SEL1L2: variants seen among roughly 807,000 people sequenced by gnomAD.
The protein encoded by SEL1L2 is protein sel-1 homolog 2.
Under a neutral mutation model 98.8 loss-of-function variants are expected in SEL1L2, and 89 were observed. The observed-to-expected ratio is 0.90, with a 90% confidence interval of 0.76 to 1.07. SEL1L2 has a LOEUF of 1.07. Among genes scored for constraint, SEL1L2 ranks in the 50% least tolerant of loss-of-function variants. SEL1L2 has a pLI of 0.00. For missense variants in SEL1L2, 788 were observed against 812.0 expected (o/e 0.97, Z 0.36); for synonymous variants, 262 against 278.5 (o/e 0.94, Z 0.59).
At chr20:13,990,617 G>C (rs1415426910), upstream of SEL1L2, 1 of 1,045,232 alleles carries the variant, frequency 9.6e-7, no homozygotes. Flanking sequence ...CAGGGACTGT[G>C]GTGGGGGCAG....
rs8115079 is a variant in SEL1L2, at chr20:13,969,367, C to T, written c.59-13236G>A. Among the ~76,000 whole-genome samples the T allele has an allele frequency of 4.7e-3, 712 of 152,260 alleles. 4 individuals carry two copies. The highest frequency in any genetic ancestry group is 0.016 in the African/African-American group (666 of 41,538). On this transcript the variant is annotated intron_variant, in intron 1 of 19. Coordinates refer to ENST00000284951, the MANE Select transcript of SEL1L2 (RefSeq NM_025229.2). ...ATCTTCCATCATGTTTTACTCACTC[C>T]ATGCCAACATCCCCATGAACAGGTA... is the stretch of plus-strand genomic sequence containing the variant.
chr20:13,947,653 T>C lies in SEL1L2; in HGVS notation c.114+8423A>G, dbSNP rs190225446. Among the ~76,000 whole-genome samples, 394 of 152,254 alleles carry C rather than the reference T, an allele frequency of 2.6e-3. 6 individuals are homozygous for C. The highest frequency in any genetic ancestry group is 8.9e-3 in the African/African-American group (368 of 41,538). ...CAGGCAATGAGAAGAAGAGAAGAGC[T>C]GTAGCCCTTTTAGGAGCCCAGACCT... On this transcript the variant is annotated intron_variant, in intron 2 of 19. Transcript: ENST00000284951.
chr20:13,866,629 A>G (rs1991077181), intron 15 of SEL1L2, 73 bp downstream of exon 15: 6 of 1,224,438 alleles, frequency 4.9e-6, no homozygotes, highest in Non-Finnish European at 6.5e-6. Context: ...GACACCAACA[A>G]TTTAAGAACA....
In SEL1L2 at chr20:13,966,032, A is replaced by G. The variant is rs564401528; in HGVS notation, c.59-9901T>C. The stretch of plus-strand genomic sequence containing the variant: ...TAATAAAGAAAACTTTTGGAATATT[A>G]TGAGAATTACCACATGTGACAGAGA... On this transcript the variant is annotated intron_variant, in intron 1 of 19. Coordinates refer to ENST00000284951, the MANE Select transcript of SEL1L2 (RefSeq NM_025229.2). Among the ~76,000 whole-genome samples, 11 of 152,112 alleles carry G rather than the reference A, an allele frequency of 7.2e-5. No individual in the cohort carries two copies. In the South Asian group the frequency reaches 2.3e-3, roughly 32 times the overall value.
intron 3 of SEL1L2, among the ~76,000 whole-genome samples, chr20:13,928,759 T>G (rs533940702): frequency 7.2e-5 from 11 of 152,314 alleles, no homozygotes; most frequent in African/African-American, 2.2e-4. Flanking sequence ...TGGTCCAAAA[T>G]GAAGTTTAAT....
intron 2 of SEL1L2, among the ~76,000 whole-genome samples, chr20:13,949,632 C>T (rs2050173779): frequency 6.6e-6 from 1 of 151,674 alleles, no homozygotes; most frequent in South Asian, 2.1e-4. Context: ...CACTGCACTC[C>T]AGCCTGGGCA....
intron 2 of SEL1L2, among the ~76,000 whole-genome samples, chr20:13,954,759 G>T (rs1434661898): frequency 1.3e-5 from 2 of 152,048 alleles, no homozygotes; most frequent in African/African-American, 4.8e-5. Context: ...GCCATTTTAG[G>T]TGTTATTCAG....
rs532346717 is a variant in SEL1L2, at chr20:13,959,926, T to C, written c.59-3795A>G. On this transcript the variant is annotated intron_variant, in intron 1 of 19. Coordinates refer to ENST00000284951, the MANE Select transcript of SEL1L2 (RefSeq NM_025229.2). ...GGGACTATGGCAAGTAAAGCATAATTAGAGAATTCATGTTACTAGCACTTA... is the reference window on the plus strand; with the variant it reads ...GGGACTATGGCAAGTAAAGCATAATCAGAGAATTCATGTTACTAGCACTTA... Among the ~76,000 whole-genome samples, 9 of 152,324 alleles carry C rather than the reference T, an allele frequency of 5.9e-5. 1 individual carries two copies. The South Asian group carries it at 1.9e-3, about 32-fold the overall frequency.
chr20:13,919,685 G>A (rs1380364360), intron 3 of SEL1L2, among the ~76,000 whole-genome samples: 3 of 152,130 alleles, frequency 2.0e-5, no homozygotes, highest in South Asian at 2.1e-4. Context: ...TTGGGAGGCC[G>A]AGGTGGGTGG....
intron 12 of SEL1L2, among the ~76,000 whole-genome samples, chr20:13,872,041 G>A (rs1473365398): frequency 1.3e-5 from 2 of 152,160 alleles, no homozygotes; most frequent in East Asian, 1.9e-4. Flanking sequence ...CCTATCATAT[G>A]AAATGATCTG....
At position 13,990,560 on chromosome 20, in the gene SEL1L2, T is replaced by G. The variant is rs776031616; in HGVS notation, c.-26A>C. On this transcript the variant is annotated 5_prime_UTR_variant, in exon 1 of 20. Transcript: ENST00000284951. Reference sequence around the variant, plus strand: ...CTTCTCTTAAGCAGCTTCTCTTCACTGTAACACAGGCAGAAACTAGGTGAT... The same window carrying G: ...CTTCTCTTAAGCAGCTTCTCTTCACGGTAACACAGGCAGAAACTAGGTGAT... 3 of 1,583,796 alleles carry G rather than the reference T, an allele frequency of 1.9e-6. No homozygotes were observed. In the African/African-American group the frequency reaches 4.1e-5, roughly 21 times the overall value.
intron 17 of SEL1L2, among the ~76,000 whole-genome samples, 176 bp from the exon 18 acceptor site, chr20:13,859,610 T>C (rs1259893862): frequency 2.0e-5 from 3 of 152,252 alleles, no homozygotes; most frequent in African/African-American, 7.2e-5. Context: ...ATATACTTTA[T>C]GGAATACAAA....
chr20:13,990,829 T>C (rs1273556881), upstream of SEL1L2, among the ~76,000 whole-genome samples: 1 of 152,248 alleles, frequency 6.6e-6, no homozygotes, highest in Non-Finnish European at 1.5e-5. Flanking sequence ...GAAGTCCGAC[T>C]CGTACGTGTC....
At chr20:13,851,831 AG>A (rs949673924) in intron 18 of SEL1L2, among the ~76,000 whole-genome samples, 4 of 150,724 alleles carry the variant, frequency 2.7e-5, no homozygotes, top group African/African-American at 9.8e-5. Flanking sequence ...TGAATCCTTG[AG>A]GATGCTGTTA....
intron 11 of SEL1L2, 86 bp downstream of exon 11, chr20:13,877,433 TG>T: frequency 9.6e-7 from 1 of 1,046,674 alleles, no homozygotes; most frequent in Non-Finnish European, 1.4e-6. Context: ...CCCAAGTAGC[TG>T]GGACAACAGG....
chr20:13,849,736 G>T, intron 19 of SEL1L2, 132 bp from the exon 20 acceptor site: 1 of 1,066,232 alleles, frequency 9.4e-7, no homozygotes, highest in Non-Finnish European at 1.3e-6. Flanking sequence ...AGTCTTGGAA[G>T]ACACAATCTT....
chr20:13,917,774 A>ATTTC (rs2048468016), intron 4 of SEL1L2, among the ~76,000 whole-genome samples: 6 of 52,622 alleles, frequency 1.1e-4, no homozygotes, highest in African/African-American at 4.6e-4. Flanking sequence ...TACTTTCTTT[A>ATTTC]TTTCTTTCTT....
At chr20:13,892,152 T>G (rs1456078356) in intron 5 of SEL1L2, among the ~76,000 whole-genome samples, 2 of 152,140 alleles carry the variant, frequency 1.3e-5, no homozygotes, top group Admixed American at 6.5e-5. Flanking sequence ...TAATATAGAT[T>G]GTTATAAGAT....
chr20:13,863,729 T>C (rs988206567), intron 17 of SEL1L2, among the ~76,000 whole-genome samples: 12 of 152,142 alleles, frequency 7.9e-5, no homozygotes, highest in African/African-American at 2.7e-4. Context: ...CCAAGCACTT[T>C]GGGAAGCCGA....
Sources: gnomAD v4.1 joint callset for allele counts (sites outside exome capture counted in the v4.1 genomes callset) on GRCh38, gnomAD v4.1.1 for gene constraint, MANE v1.5 for transcripts, NCBI Gene and HGNC (gene_info 2026-07-23, HGNC 2026-07-21) for gene names.